Variants in HCN1 observed in about 807,000 individuals in gnomAD.
The protein encoded by HCN1 is potassium/sodium hyperpolarization-activated cyclic nucleotide-gated channel 1.
HCN1 carries 13 observed loss-of-function variants against 78.9 expected under a neutral mutation model. The ratio of observed to expected loss-of-function variants is 0.16; its 90% confidence interval spans 0.11 to 0.26. The LOEUF is 0.26. HCN1 is among the 10% of genes least tolerant of loss of function. The pLI is 1.00. For synonymous variants in HCN1, 552 were observed against 455.5 expected, an observed-to-expected ratio of 1.21 and a Z score of -2.70; for missense variants, 810 against 1,154.3, an observed-to-expected ratio of 0.70 and a Z score of 4.32.
chr5:45,316,683 A>G (rs958365843), intron 5 of HCN1, among the ~76,000 whole-genome samples: 2 of 152,302 alleles, frequency 1.3e-5, no homozygotes, highest in Admixed American at 6.5e-5. Flanking sequence ...TCAGCCCAAA[A>G]TCTTCTTAAG....
At chr5:45,450,035 G>A (rs762247049) in intron 3 of HCN1, among the ~76,000 whole-genome samples, 3 of 152,116 alleles carry the variant, frequency 2.0e-5, no homozygotes, top group African/African-American at 4.8e-5. Context: ...GTTTCACCAT[G>A]TTAGCCAGGA....
intron 5 of HCN1, among the ~76,000 whole-genome samples, chr5:45,318,112 A>C (rs1026113103): frequency 1.3e-5 from 2 of 152,144 alleles, no homozygotes; most frequent in Non-Finnish European, 2.9e-5. Context: ...AAACACACGC[A>C]CACTTATGTT....
At chr5:45,465,709 C>T (rs1055924664) in intron 2 of HCN1, among the ~76,000 whole-genome samples, 1 of 151,930 alleles carries the variant, frequency 6.6e-6, no homozygotes, top group East Asian at 1.9e-4. Flanking sequence ...GAGTCGAGAT[C>T]ATGCCACTGC....
At chr5:45,347,561 T>G (rs1746774138) in intron 5 of HCN1, among the ~76,000 whole-genome samples, 1 of 152,114 alleles carries the variant, frequency 6.6e-6, no homozygotes, top group Admixed American at 6.5e-5. Flanking sequence ...ACGATCAAAC[T>G]ACTCCGAGCT....
chr5:45,494,115 C>G (rs1424233585), intron 2 of HCN1, among the ~76,000 whole-genome samples: 1 of 152,042 alleles, frequency 6.6e-6, no homozygotes, highest in Non-Finnish European at 1.5e-5. Flanking sequence ...GGTATATACC[C>G]AGTAATGGGA....
intron 2 of HCN1, among the ~76,000 whole-genome samples, chr5:45,628,548 G>T (rs1745215098): frequency 6.6e-6 from 1 of 152,090 alleles, no homozygotes; most frequent in Non-Finnish European, 1.5e-5. Context: ...ATGCTTATTA[G>T]TAGAGAACAA....
intron 5 of HCN1, among the ~76,000 whole-genome samples, chr5:45,335,799 T>C (rs1243104271): frequency 1.3e-5 from 2 of 152,066 alleles, no homozygotes. Context: ...GAAGCAGTTA[T>C]GATCATTATT....
rs547144854 is a variant in HCN1, at chr5:45,693,543, G to A, written c.425+2126C>T. 3.2e-4 allele frequency among the ~76,000 whole-genome samples: 49 copies of A among 152,058 alleles called. No individual in the cohort carries two copies. The South Asian group carries it at 9.6e-3, about 30-fold the overall frequency. On this transcript the variant is annotated intron_variant, in intron 1 of 7. Coordinates refer to ENST00000303230, the MANE Select transcript of HCN1 (RefSeq NM_021072.4). ...TAATCATTTCCCATTTCTTTGAAAT[G>A]GATAATAAAATTAAATCATCACCTG...
chr5:45,619,669 C>T (rs1386967746), intron 2 of HCN1, among the ~76,000 whole-genome samples: 1 of 151,898 alleles, frequency 6.6e-6, no homozygotes, highest in Non-Finnish European at 1.5e-5. Flanking sequence ...CTAGAATACC[C>T]CAGTAATATT....
intron 5 of HCN1, among the ~76,000 whole-genome samples, chr5:45,327,275 G>A (rs1746254473): frequency 6.6e-6 from 1 of 151,656 alleles, no homozygotes. Context: ...ATGTCCAGAA[G>A]TATGCTGAAC....
Position 45,267,352 on chromosome 5 carries a change from A to G in HCN1, c.1619-99T>C, listed in dbSNP as rs535045509. 166 of 1,054,106 alleles carry G rather than the reference A, an allele frequency of 1.6e-4. No homozygotes were observed. The African/African-American group carries it at 1.9e-3, about 12-fold the overall frequency. The allele number at this position is 1,054,106 out of a possible 1,614,324, so 65.3% of individuals were successfully genotyped here. A position where few individuals can be genotyped will look rare whatever the true frequency, so the allele number is the denominator to read the frequency against. ...ACTTAAAACAAGTCTCATGGTGTGA[A>G]AAAACAATTATTAGCAGCATTTTCT... On this transcript the variant is annotated intron_variant, in intron 6 of 7. Transcript: ENST00000303230.
chr5:45,321,233 G>T (rs1441709119), intron 5 of HCN1, among the ~76,000 whole-genome samples: 3 of 151,844 alleles, frequency 2.0e-5, no homozygotes, highest in Non-Finnish European at 2.9e-5. Context: ...AAGAGGATGG[G>T]AACCTGATTT....
chr5:45,601,325 C>A (rs553420055), intron 2 of HCN1, among the ~76,000 whole-genome samples: 1 of 152,198 alleles, frequency 6.6e-6, no homozygotes, highest in Non-Finnish European at 1.5e-5. Flanking sequence ...TCTACTGAGG[C>A]TCAGATGCTA....
intron 2 of HCN1, among the ~76,000 whole-genome samples, chr5:45,627,923 A>C (rs1341349157): frequency 2.6e-5 from 4 of 152,220 alleles, no homozygotes; most frequent in Admixed American, 2.6e-4. Context: ...ATTTACAACC[A>C]AAGTGTCAAC....
At chr5:45,447,881 G>GATAT (rs144291227) in intron 3 of HCN1, among the ~76,000 whole-genome samples, 2 of 148,554 alleles carry the variant, frequency 1.3e-5, no homozygotes, top group African/African-American at 2.5e-5. Flanking sequence ...TATATTTTAT[G>GATAT]ATATATATAT....
intron 1 of HCN1, among the ~76,000 whole-genome samples, chr5:45,690,490 T>C (rs1739888328): frequency 6.6e-6 from 1 of 152,040 alleles, no homozygotes; most frequent in African/African-American, 2.4e-5. Flanking sequence ...ATAGTTTCTG[T>C]AGCACATATA....
chr5:45,462,276 G>T (rs1209649818), intron 2 of HCN1, among the ~76,000 whole-genome samples: 3 of 152,054 alleles, frequency 2.0e-5, no homozygotes, highest in East Asian at 3.9e-4. Flanking sequence ...CATCGATGTT[G>T]CCAGAAGTTT....
intron 5 of HCN1, among the ~76,000 whole-genome samples, chr5:45,314,486 T>G (rs1187349779): frequency 6.6e-6 from 1 of 152,174 alleles, no homozygotes; most frequent in Admixed American, 6.5e-5. Context: ...AACATCATAA[T>G]GACAGGACGA....
intron 2 of HCN1, among the ~76,000 whole-genome samples, chr5:45,632,279 T>TTG (rs139925464): frequency 0.088 from 12,997 of 147,678 alleles, 624 homozygotes; most frequent in Middle Eastern, 0.16. Flanking sequence ...TAATGTTCCA[T>TTG]TGTGTGTGTG....
Sources: gnomAD v4.1 joint callset for allele counts (sites outside exome capture counted in the v4.1 genomes callset) on GRCh38, gnomAD v4.1.1 for gene constraint, MANE v1.5 for transcripts, NCBI Gene and HGNC (gene_info 2026-07-23, HGNC 2026-07-21) for gene names.